PRKAR1B: variants seen among roughly 807,000 people sequenced by gnomAD.
PRKAR1B encodes protein kinase cAMP-dependent type I regulatory subunit beta.
A neutral mutation model predicts 46.5 loss-of-function variants in PRKAR1B; 22 were observed. The ratio of observed to expected loss-of-function variants is 0.47; its 90% CI spans 0.34 to 0.68. PRKAR1B has a LOEUF of 0.68. Ranked by LOEUF, PRKAR1B falls within the 30% of genes least tolerant of loss-of-function variation. The pLI is 0.01. For missense variants in PRKAR1B, 445 were observed against 535.6 expected (o/e 0.83, Z 1.67); for synonymous variants, 259 against 217.7 (o/e 1.19, Z -1.67).
chr7:660,337 G>C (rs2128494308), intron 4 of PRKAR1B, among the ~76,000 whole-genome samples: 1 of 152,126 alleles, frequency 6.6e-6, no homozygotes, highest in African/African-American at 2.4e-5. Context: ...GGGTGCCACA[G>C]GCCCCGCTCC....
intron 4 of PRKAR1B, among the ~76,000 whole-genome samples, chr7:659,171 T>C (rs1390710921): frequency 6.6e-6 from 1 of 152,212 alleles, no homozygotes; most frequent in Non-Finnish European, 1.5e-5. Flanking sequence ...CTTGTGTTTC[T>C]TTTCAGCACG....
At chr7:553,092 G>A (rs1195121588) in intron 9 of PRKAR1B, among the ~76,000 whole-genome samples, 1 of 152,194 alleles carries the variant, frequency 6.6e-6, no homozygotes, top group Non-Finnish European at 1.5e-5. Flanking sequence ...GGAAACCGCG[G>A]CCTGGCACAG....
chr7:619,149 AACACAGTGTCC>A (rs1324019989), intron 4 of PRKAR1B, among the ~76,000 whole-genome samples: 1 of 152,136 alleles, frequency 6.6e-6, no homozygotes, highest in Non-Finnish European at 1.5e-5. Flanking sequence ...ACACAGGGAA[AACACAGTGTCC>A]ACGCAGAGCG....
chr7:558,241 G>A (rs571806773), intron 9 of PRKAR1B, among the ~76,000 whole-genome samples: 12 of 148,962 alleles, frequency 8.1e-5, no homozygotes, highest in Non-Finnish European at 1.2e-4. Flanking sequence ...TGCGAGGATC[G>A]CTTGAGCCCA....
At chr7:707,704 C>T (rs1780403315) in intron 2 of PRKAR1B, among the ~76,000 whole-genome samples, 1 of 152,166 alleles carries the variant, frequency 6.6e-6, no homozygotes, top group Non-Finnish European at 1.5e-5. Context: ...TGGACACAGA[C>T]ACTGTCAGGG....
chr7:606,794 G>GTA (rs1003153353), intron 5 of PRKAR1B, among the ~76,000 whole-genome samples: 1 of 149,278 alleles, frequency 6.7e-6, no homozygotes, highest in Non-Finnish European at 1.5e-5. Flanking sequence ...GTGTGTGTGT[G>GTA]TATAATTTTA....
chr7:582,365 T>C (rs1360314174), intron 8 of PRKAR1B, among the ~76,000 whole-genome samples: 2 of 152,240 alleles, frequency 1.3e-5, no homozygotes, highest in Non-Finnish European at 2.9e-5. Flanking sequence ...GCCCACGGCT[T>C]CAGGCTCATC....
At chr7:726,284 T>C (rs73049878) in intron 1 of PRKAR1B, among the ~76,000 whole-genome samples, 26,413 of 152,162 alleles carry the variant, frequency 0.17, 2,625 homozygotes, top group Middle Eastern at 0.29. Flanking sequence ...AGAACCAGCG[T>C]CCTTCCCTCC....
rs1019745665 is a variant in PRKAR1B, at chr7:602,959, G to C, written c.549+3234C>G. On this transcript the variant is annotated intron_variant, in intron 6 of 10. Coordinates refer to ENST00000537384, the MANE Select transcript of PRKAR1B (RefSeq NM_001164760.2). This position sits in a 1 kb window ranked among gnomAD's most constrained non-coding sequence, Gnocchi z 6.4. ...CTGACCCGTCCACCACCCTCCTCGA[G>C]ACACGACAAGTTAGGCGGGAACATA... is the stretch of plus-strand genomic sequence containing the variant. Among the ~76,000 whole-genome samples, 8 of 152,178 alleles carry C rather than the reference G, an allele frequency of 5.3e-5. No individual in the cohort carries two copies. The highest frequency in any genetic ancestry group is 1.9e-4 in the African/African-American group (8 of 41,448).
intron 4 of PRKAR1B, among the ~76,000 whole-genome samples, chr7:616,867 G>A (rs1185394934): frequency 6.6e-6 from 1 of 152,116 alleles, no homozygotes; most frequent in Non-Finnish European, 1.5e-5. Flanking sequence ...GGGGTGAAGC[G>A]CCTCGGGCCC....
intron 4 of PRKAR1B, among the ~76,000 whole-genome samples, chr7:650,284 TGAGGGACCCTA>T (rs956932835): frequency 2.0e-5 from 3 of 152,168 alleles, no homozygotes; most frequent in African/African-American, 7.2e-5. Flanking sequence ...GGACCCTGTC[TGAGGGACCCTA>T]GAGGGTCTGC....
At chr7:570,380 G>T (rs950726977) in intron 9 of PRKAR1B, among the ~76,000 whole-genome samples, 2 of 152,214 alleles carry the variant, frequency 1.3e-5, no homozygotes, top group African/African-American at 2.4e-5. Context: ...AGCTCGGGGG[G>T]CCTGGGAGCC....
chr7:668,622 C>T (rs1018806385), intron 4 of PRKAR1B, among the ~76,000 whole-genome samples: 4 of 152,182 alleles, frequency 2.6e-5, no homozygotes, highest in East Asian at 1.9e-4. Flanking sequence ...GTCCGCGTAG[C>T]TCTCGGATCC....
At chr7:713,942 T>C (rs1013183908) in intron 1 of PRKAR1B, among the ~76,000 whole-genome samples, 1 of 152,180 alleles carries the variant, frequency 6.6e-6, no homozygotes, top group Admixed American at 6.5e-5. Flanking sequence ...GTCCTGAGAC[T>C]TTCTTAGGGA....
intron 9 of PRKAR1B, among the ~76,000 whole-genome samples, chr7:577,040 C>CATCCAACTCCATCAA (rs1562531404): frequency 2.2e-5 from 3 of 136,624 alleles, no homozygotes; most frequent in Admixed American, 2.1e-4. Flanking sequence ...ATCAGCGGCC[C>CATCCAACTCCATCAA]CGTCCAACTC....
chr7:585,702 C>G (rs904395360), intron 7 of PRKAR1B, among the ~76,000 whole-genome samples: 15 of 152,236 alleles, frequency 9.9e-5, no homozygotes, highest in African/African-American at 3.6e-4. Context: ...ACAGATAACC[C>G]TGAGAGGGGA....
chr7:559,673 C>G lies in PRKAR1B; in HGVS notation c.892-8203G>C, dbSNP rs1400112523. ...GCCACACGCGTGTGCAGGCAGTGAGCCGGAGTCTCGAGGCTCGCTGTGGAG... is the reference window on the plus strand; with the variant it reads ...GCCACACGCGTGTGCAGGCAGTGAGGCGGAGTCTCGAGGCTCGCTGTGGAG... On this transcript the variant is annotated intron_variant, in intron 9 of 10. Coordinates refer to ENST00000537384, the MANE Select transcript of PRKAR1B (RefSeq NM_001164760.2). Among the ~76,000 whole-genome samples, 6 of 152,282 alleles carry G rather than the reference C, an allele frequency of 3.9e-5. No homozygotes were observed. In the East Asian group the frequency reaches 9.6e-4, roughly 24 times the overall value.
intron 4 of PRKAR1B, among the ~76,000 whole-genome samples, chr7:650,442 C>A (rs144471070): frequency 2.0e-5 from 3 of 152,218 alleles, no homozygotes; most frequent in Non-Finnish European, 2.9e-5. Flanking sequence ...AGCCCTCCAG[C>A]CTTCACACCG....
intron 4 of PRKAR1B, among the ~76,000 whole-genome samples, chr7:646,284 T>A (rs1367643723): frequency 6.6e-6 from 1 of 152,236 alleles, no homozygotes; most frequent in Non-Finnish European, 1.5e-5. Flanking sequence ...ATTCAAGCGA[T>A]CCTCCCGCCT....
Sources: gnomAD v4.1 joint callset for allele counts (sites outside exome capture counted in the v4.1 genomes callset) on GRCh38, gnomAD v4.1.1 for gene constraint, Gnocchi (gnomAD v3.1) non-coding constraint, MANE v1.5 for transcripts, NCBI Gene and HGNC (gene_info 2026-07-23, HGNC 2026-07-21) for gene names.